The following MITF variants were observed in gnomAD, a reference collection of about 807,000 sequenced individuals.
The protein encoded by MITF is microphthalmia-associated transcription factor.
MITF carries 17 observed loss-of-function variants against 60.5 expected under a neutral mutation model. That is an observed-to-expected ratio of 0.28 (90% CI 0.19 to 0.42). The LOEUF (loss-of-function observed/expected upper bound fraction) is 0.42. Ranked by LOEUF, MITF falls within the 10% of genes least tolerant of loss-of-function variation. The probability of loss-of-function intolerance (pLI) is 1.00; values close to 1 mark genes in which losing one functional copy is unlikely to be tolerated. For missense variants in MITF, 622 were observed against 683.5 expected (o/e 0.91, Z 1.00); for synonymous variants, 260 against 248.5 (o/e 1.05, Z -0.43).
intron 1 of MITF, among the ~76,000 whole-genome samples, chr3:69,755,520 A>G (rs1704112077): frequency 9.6e-6 from 1 of 104,274 alleles, no homozygotes; most frequent in Admixed American, 1.4e-4. Context: ...TAAGTTTTCA[A>G]GGGTTTTTTC....
rs1249708573 is a variant in MITF, at chr3:69,796,814, A to G, written c.104+57113A>G. The stretch of plus-strand genomic sequence containing the variant: ...AGATAGTCATGAAACATAACCTGGG[A>G]CAGAGTGATTTGTTAGGCCATATCT... On this transcript the variant is annotated intron_variant, in intron 1 of 9. Transcript: ENST00000352241. Among the ~76,000 whole-genome samples the G allele has an allele frequency of 3.3e-5, 5 of 152,174 alleles. No homozygotes were observed. In the East Asian group the frequency reaches 9.6e-4, roughly 29 times the overall value.
chr3:69,861,789 T>A lies in MITF; in HGVS notation c.105-17345T>A, dbSNP rs534604163. Among the ~76,000 whole-genome samples the A allele has an allele frequency of 2.6e-5, 4 of 152,328 alleles. No homozygotes were observed. The South Asian group carries it at 8.3e-4, about 32-fold the overall frequency. ...GAAGGGCCTTTCGGTGGCATGTGAC[T>A]TTTCCCAGAATGTGAGTGTGAGGCC... On this transcript the variant is annotated intron_variant, in intron 1 of 9. Transcript: ENST00000352241.
intron 1 of MITF, among the ~76,000 whole-genome samples, chr3:69,843,503 G>A (rs1007629984): frequency 2.6e-5 from 4 of 152,008 alleles, no homozygotes; most frequent in Admixed American, 1.3e-4. Flanking sequence ...ATTGAATCTC[G>A]TTACAAGATA....
chr3:69,879,516 TA>T, intron 2 of MITF, 133 bp downstream of exon 2: 2 of 1,455,556 alleles, frequency 1.4e-6, no homozygotes, highest in African/African-American at 1.4e-5. Context: ...CCAACTCCCT[TA>T]ATTCTTACGT....
intron 1 of MITF, among the ~76,000 whole-genome samples, chr3:69,873,387 C>T (rs1242478926): frequency 6.6e-6 from 1 of 152,158 alleles, no homozygotes; most frequent in Non-Finnish European, 1.5e-5. Context: ...CATTTACCAA[C>T]TCTTATTTGT....
chr3:69,855,388 A>G (rs1329149012), intron 1 of MITF, among the ~76,000 whole-genome samples: 3 of 152,032 alleles, frequency 2.0e-5, no homozygotes, highest in Admixed American at 6.5e-5. Context: ...TACAAGATTT[A>G]TATATTTGAA....
intron 1 of MITF, among the ~76,000 whole-genome samples, chr3:69,829,758 A>G (rs959369810): frequency 6.6e-6 from 1 of 152,128 alleles, no homozygotes; most frequent in African/African-American, 2.4e-5. Flanking sequence ...CTACTAATGC[A>G]TACATTCTTT....
intron 1 of MITF, among the ~76,000 whole-genome samples, chr3:69,824,847 A>T (rs1029756251): frequency 1.3e-5 from 2 of 152,134 alleles, no homozygotes; most frequent in African/African-American, 4.8e-5. Flanking sequence ...GCTTCCCTGA[A>T]ACCCTAGAGG....
At chr3:69,875,072 G>A (rs1192532155) in intron 1 of MITF, among the ~76,000 whole-genome samples, 1 of 152,130 alleles carries the variant, frequency 6.6e-6, no homozygotes, top group Non-Finnish European at 1.5e-5. Flanking sequence ...CCCAATCCCT[G>A]CAGCACATTA....
intron 5 of MITF, among the ~76,000 whole-genome samples, chr3:69,944,103 C>T (rs1481261641): frequency 6.6e-6 from 1 of 152,070 alleles, no homozygotes; most frequent in African/African-American, 2.4e-5. Flanking sequence ...TTAGAAAACA[C>T]ATTTAAAAAT....
At chr3:69,814,837 T>A (rs2063156267) in intron 1 of MITF, among the ~76,000 whole-genome samples, 1 of 152,148 alleles carries the variant, frequency 6.6e-6, no homozygotes, top group African/African-American at 2.4e-5. Context: ...AGGCTAAGTA[T>A]TACCAGCCAG....
intron 1 of MITF, among the ~76,000 whole-genome samples, chr3:69,819,397 C>T (rs1177487373): frequency 2.6e-5 from 4 of 152,170 alleles, no homozygotes; most frequent in Non-Finnish European, 5.9e-5. Flanking sequence ...CTAGAAGAAT[C>T]TTCTTGCTGT....
chr3:69,764,603 CAG>C (rs1322799004), intron 1 of MITF, among the ~76,000 whole-genome samples: 1 of 152,166 alleles, frequency 6.6e-6, no homozygotes, highest in Non-Finnish European at 1.5e-5. Context: ...TAACCCCAGA[CAG>C]AGGAGTCTCA....
intron 1 of MITF, among the ~76,000 whole-genome samples, chr3:69,821,754 A>G (rs1214625673): frequency 6.9e-6 from 1 of 145,858 alleles, no homozygotes; most frequent in Non-Finnish European, 1.5e-5. Context: ...ATTTTATTTT[A>G]TTATGCTTTT....
intron 7 of MITF, among the ~76,000 whole-genome samples, chr3:69,952,888 T>C (rs1374432235): frequency 6.6e-5 from 10 of 152,184 alleles, no homozygotes; most frequent in Admixed American, 5.9e-4. Context: ...ACAAATTGCA[T>C]AGTATTTTAT....
intron 1 of MITF, among the ~76,000 whole-genome samples, chr3:69,748,880 AGAAGACTT>A: frequency 6.6e-6 from 1 of 152,230 alleles, no homozygotes; most frequent in East Asian, 1.9e-4. Flanking sequence ...CTCAGTGGAA[AGAAGACTT>A]GAGGCAGAGA....
chr3:69,957,332 T>C (rs1461465176), intron 8 of MITF, among the ~76,000 whole-genome samples: 1 of 152,218 alleles, frequency 6.6e-6, no homozygotes, highest in Non-Finnish European at 1.5e-5. Context: ...TATGACCTTT[T>C]AGCTACCTAA....
At chr3:69,917,898 C>T (rs1225184249) in intron 2 of MITF, among the ~76,000 whole-genome samples, 1 of 152,048 alleles carries the variant, frequency 6.6e-6, no homozygotes, top group Non-Finnish European at 1.5e-5. Flanking sequence ...GTTCTGCTAG[C>T]ATGGTTGGGG....
intron 1 of MITF, among the ~76,000 whole-genome samples, chr3:69,851,167 C>T (rs1311524423): frequency 6.6e-6 from 1 of 152,064 alleles, no homozygotes. Flanking sequence ...TTAATGTGTA[C>T]CAAATATAGA....
Sources: allele counts gnomAD v4.1 joint callset (sites outside exome capture counted in the v4.1 genomes callset), GRCh38; gene constraint gnomAD v4.1.1; transcripts MANE v1.5; gene names NCBI Gene and HGNC (gene_info 2026-07-23, HGNC 2026-07-21).